Variants in DPY30 observed in about 807,000 individuals in gnomAD.
DPY30 encodes protein dpy-30 homolog.
DPY30 carries 6 observed loss-of-function variants against 16.2 expected under a neutral mutation model. The observed-to-expected ratio is 0.37, with a 90% CI of 0.20 to 0.73. The LOEUF (loss-of-function observed/expected upper bound fraction) is 0.73. Ranked by LOEUF, DPY30 falls within the 30% of genes least tolerant of loss-of-function variation. The pLI, the probability that DPY30 is intolerant of heterozygous loss-of-function variation, is 0.51. For missense variants in DPY30, 73 were observed against 113.1 expected, an observed-to-expected ratio of 0.65 and a Z score of 1.61; for synonymous variants, 39 against 38.8, an observed-to-expected ratio of 1.00 and a Z score of -0.02.
At chr2:32,023,199 G>A (rs934522136), downstream of DPY30, among the ~76,000 whole-genome samples, 2 of 152,064 alleles carry the variant, frequency 1.3e-5, no homozygotes, top group African/African-American at 2.4e-5. Flanking sequence ...GGTGGGGAGA[G>A]ATAATCACTC....
chr2:32,018,268 A>T (rs1425337125), intron 5 of DPY30, among the ~76,000 whole-genome samples: 1 of 152,216 alleles, frequency 6.6e-6, no homozygotes, highest in African/African-American at 2.4e-5. Flanking sequence ...AAAGGTCTAA[A>T]CCTTAAGATA....
chr2:32,035,988 T>C (rs184235497), intron 3 of DPY30, among the ~76,000 whole-genome samples: 10 of 150,408 alleles, frequency 6.6e-5, no homozygotes, highest in African/African-American at 2.4e-4. Flanking sequence ...CTGATCTTTT[T>C]CCTTTTTTTT....
intron 3 of DPY30, among the ~76,000 whole-genome samples, chr2:32,031,635 C>T (rs1230440032): frequency 6.6e-6 from 1 of 150,552 alleles, no homozygotes; most frequent in East Asian, 2.0e-4. Flanking sequence ...TGGCTCACAC[C>T]TGTAATCCCA....
downstream of DPY30, chr2:32,023,440 C>G (rs1309538881): frequency 2.1e-6 from 1 of 471,224 alleles, no homozygotes; most frequent in Non-Finnish European, 4.4e-6. Context: ...TTGTCTTGAG[C>G]ATGTCACTTA....
intron 3 of DPY30, 61 bp downstream of exon 3, chr2:32,039,218 C>T: frequency 6.3e-7 from 1 of 1,589,438 alleles, no homozygotes; most frequent in South Asian, 1.1e-5. Flanking sequence ...AAAGCAGATC[C>T]CAAGTTTTCT....
intron 5 of DPY30, among the ~76,000 whole-genome samples, chr2:32,013,939 C>G (rs1248206263): frequency 6.6e-6 from 1 of 150,922 alleles, no homozygotes; most frequent in Non-Finnish European, 1.5e-5. Flanking sequence ...ACCTGGGAGG[C>G]AGAGGTTGCT....
At chr2:32,017,817 T>C (rs1675093241) in intron 5 of DPY30, among the ~76,000 whole-genome samples, 1 of 152,186 alleles carries the variant, frequency 6.6e-6, no homozygotes, top group East Asian at 1.9e-4. Context: ...ATGGTCTGAA[T>C]GCTGTGTTCC....
intron 4 of DPY30, 48 bp downstream of exon 4, chr2:32,029,546 C>A (rs1305451165): frequency 1.3e-6 from 2 of 1,598,322 alleles, no homozygotes; most frequent in African/African-American, 1.3e-5. Context: ...ATAGGGGAAT[C>A]TATTTTGCTT....
At chr2:32,039,808 G>A (rs1057311240), upstream of DPY30, 42 of 352,778 alleles carry the variant, frequency 1.2e-4, no homozygotes, top group Non-Finnish European at 1.9e-4. Flanking sequence ...CCGGCCGTAA[G>A]TGACGGCTGT....
At chr2:32,016,911 G>A (rs1302310097) in intron 5 of DPY30, among the ~76,000 whole-genome samples, 1 of 151,988 alleles carries the variant, frequency 6.6e-6, no homozygotes. Flanking sequence ...GAGACAGAGT[G>A]TCATTCTGTC....
chr2:32,021,978 G>A (rs1378087905), downstream of DPY30, among the ~76,000 whole-genome samples: 1 of 152,024 alleles, frequency 6.6e-6, no homozygotes, highest in Non-Finnish European at 1.5e-5. Flanking sequence ...GGGAGGCTGA[G>A]GTGGGCAGAT....
intron 3 of DPY30, among the ~76,000 whole-genome samples, chr2:32,034,487 C>G (rs1675662937): frequency 6.6e-6 from 1 of 152,160 alleles, no homozygotes; most frequent in African/African-American, 2.4e-5. Flanking sequence ...AGAGTAAGAA[C>G]TGACTCATTA....
chr2:32,034,912 T>C (rs1212529962), intron 3 of DPY30, among the ~76,000 whole-genome samples: 1 of 148,256 alleles, frequency 6.7e-6, no homozygotes, highest in Non-Finnish European at 1.5e-5. Context: ...GGCAGGAGAG[T>C]CACTTGAACC....
chr2:32,038,987 A>G (rs1007307167), intron 3 of DPY30, among the ~76,000 whole-genome samples: 1 of 152,182 alleles, frequency 6.6e-6, no homozygotes, highest in African/African-American at 2.4e-5. Flanking sequence ...TTACGTAGCA[A>G]CATCCCAAAA....
At chr2:32,039,171 G>T (rs990485685) in intron 3 of DPY30, 108 bp downstream of exon 3, 51 of 1,353,844 alleles carry the variant, frequency 3.8e-5, no homozygotes, top group Non-Finnish European at 5.3e-5. Context: ...TTCAGTTCAC[G>T]ATAACAAAGT....
chr2:32,015,932 G>C (rs1675056625), intron 5 of DPY30, among the ~76,000 whole-genome samples: 1 of 151,414 alleles, frequency 6.6e-6, no homozygotes, highest in Non-Finnish European at 1.5e-5. Flanking sequence ...TTGCTCTGTT[G>C]CCCAGGGAGT....
intron 3 of DPY30, among the ~76,000 whole-genome samples, chr2:32,035,936 G>GAAAAAAAAAAAAAA (rs762915217): frequency 4.0e-5 from 2 of 50,300 alleles, no homozygotes; most frequent in Middle Eastern, 0.01. Context: ...CAGTCTCGAA[G>GAAAAAAAAAAAAAA]AAAAAAAAAA....
At chr2:32,026,521 T>C (rs915048795) in intron 4 of DPY30, among the ~76,000 whole-genome samples, 1 of 152,252 alleles carries the variant, frequency 6.6e-6, no homozygotes, top group Admixed American at 6.5e-5. Context: ...CCGAGTGTAA[T>C]GGCTCATGCC....
intron 5 of DPY30, among the ~76,000 whole-genome samples, chr2:32,014,034 CAGAG>C (rs1050729980): frequency 6.8e-6 from 1 of 147,784 alleles, no homozygotes; most frequent in African/African-American, 2.5e-5. Context: ...AAGAGAGAGA[CAGAG>C]AGGGAGGGAG....
Sources: gnomAD v4.1 joint callset for allele counts (sites outside exome capture counted in the v4.1 genomes callset) on GRCh38, gnomAD v4.1.1 for gene constraint, MANE v1.5 for transcripts, NCBI Gene and HGNC (gene_info 2026-07-23, HGNC 2026-07-21) for gene names.